CNTNAP2: variants seen among roughly 807,000 people sequenced by gnomAD.
The protein encoded by CNTNAP2 is contactin-associated protein-like 2.
Under a neutral mutation model 155.2 loss-of-function variants are expected in CNTNAP2, and 98 were observed. That is an observed-to-expected ratio of 0.63 (90% CI 0.54 to 0.75). CNTNAP2 has a LOEUF of 0.75. Ranked by LOEUF, CNTNAP2 falls within the 30% of genes least tolerant of loss-of-function variation. The pLI, the probability that CNTNAP2 is intolerant of heterozygous loss-of-function variation, is 0.00. For missense variants in CNTNAP2, 1,727 were observed against 1,688.1 expected (o/e 1.02, Z -0.40); for synonymous variants, 651 against 631.2 (o/e 1.03, Z -0.47).
chr7:146,799,214 G>T (rs1299486357), intron 2 of CNTNAP2, among the ~76,000 whole-genome samples: 1 of 152,118 alleles, frequency 6.6e-6, no homozygotes, highest in Non-Finnish European at 1.5e-5. Context: ...AATAGAAAAT[G>T]AAGTCTGTAG....
At chr7:146,220,387 T>G (rs1028027077) in intron 1 of CNTNAP2, among the ~76,000 whole-genome samples, 1 of 152,172 alleles carries the variant, frequency 6.6e-6, no homozygotes, top group Non-Finnish European at 1.5e-5. Context: ...GCCACCTATA[T>G]CATCATTTAC....
intron 1 of CNTNAP2, among the ~76,000 whole-genome samples, chr7:146,390,822 A>G (rs1795530706): frequency 7.2e-6 from 1 of 139,460 alleles, no homozygotes; most frequent in Non-Finnish European, 1.5e-5. Flanking sequence ...TAATCCCAGC[A>G]CTTTGGGAGG....
intron 8 of CNTNAP2, among the ~76,000 whole-genome samples, chr7:147,268,259 C>T (rs1804661159): frequency 6.6e-6 from 1 of 152,076 alleles, no homozygotes; most frequent in Admixed American, 6.5e-5. Flanking sequence ...CACTCATTCA[C>T]TTCAATGTTT....
chr7:146,661,712 TTTTCTTTC>T (rs1021323859), intron 1 of CNTNAP2, among the ~76,000 whole-genome samples: 21 of 128,648 alleles, frequency 1.6e-4, no homozygotes, highest in African/African-American at 6.4e-4. Context: ...GAGTTTTTCT[TTTTCTTTC>T]TTTCTTTCTT....
intron 1 of CNTNAP2, among the ~76,000 whole-genome samples, chr7:146,764,912 A>G (rs76184692): frequency 0.024 from 3,653 of 152,260 alleles, 85 homozygotes; most frequent in Non-Finnish European, 0.032. Context: ...TGTGTTCAAT[A>G]TTTTTCAAAA....
At chr7:148,043,954 A>G (rs552012151) in intron 15 of CNTNAP2, among the ~76,000 whole-genome samples, 16 of 152,318 alleles carry the variant, frequency 1.1e-4, no homozygotes, top group African/African-American at 3.9e-4. Flanking sequence ...TGACTATTCC[A>G]TGGCATATTT....
intron 14 of CNTNAP2, among the ~76,000 whole-genome samples, chr7:147,961,772 C>G (rs1035642499): frequency 6.6e-6 from 1 of 152,078 alleles, no homozygotes; most frequent in African/African-American, 2.4e-5. Context: ...GAATCTTGGT[C>G]ATCGAATATT....
intron 1 of CNTNAP2, among the ~76,000 whole-genome samples, chr7:146,231,042 A>ATAAATAAATAAAT (rs76111973): frequency 3.3e-5 from 5 of 150,484 alleles, no homozygotes; most frequent in African/African-American, 1.2e-4. Flanking sequence ...AAATAAATAA[A>ATAAATAAATAAAT]AAGTTAATAT....
At chr7:146,405,672 AAATC>A (rs1795780994) in intron 1 of CNTNAP2, among the ~76,000 whole-genome samples, 2 of 152,226 alleles carry the variant, frequency 1.3e-5, no homozygotes, top group Non-Finnish European at 2.9e-5. Flanking sequence ...ATACTCGGAA[AAATC>A]AGATTTTTAG....
At chr7:146,157,259 T>C (rs1042296068) in intron 1 of CNTNAP2, among the ~76,000 whole-genome samples, 33 of 152,082 alleles carry the variant, frequency 2.2e-4, no homozygotes, top group African/African-American at 7.5e-4. Context: ...TCTTCTTCAA[T>C]AATAACATTA....
At chr7:147,516,617 AATGT>A (rs779673473) in intron 11 of CNTNAP2, among the ~76,000 whole-genome samples, 1 of 86,238 alleles carries the variant, frequency 1.2e-5, no homozygotes, top group East Asian at 3.0e-4. Context: ...AGAGAGAGAG[AATGT>A]GTGTGTGTGT....
chr7:146,128,539 T>G (rs528000352), intron 1 of CNTNAP2, among the ~76,000 whole-genome samples: 24 of 152,278 alleles, frequency 1.6e-4, no homozygotes, highest in African/African-American at 5.3e-4. Context: ...TAAATATAAT[T>G]TAAGACTTAG....
In CNTNAP2 at chr7:146,603,273, G is replaced by A. The variant is rs535016327; in HGVS notation, c.98-170998G>A. On this transcript the variant is annotated intron_variant, in intron 1 of 23. Coordinates refer to ENST00000361727, the MANE Select transcript of CNTNAP2 (RefSeq NM_014141.6). ...TAAAAATACAAAACATTAGCCGGGC[G>A]TGGTGGCGGGCGCCTGTAGTCCCAG... is the stretch of plus-strand genomic sequence containing the variant. Among the ~76,000 whole-genome samples, 31 of 150,854 alleles carry A rather than the reference G, an allele frequency of 2.1e-4. 1 individual carries two copies. Among genetic ancestry groups the A allele is most frequent in the Non-Finnish European group, 4.1e-4 (28 of 67,740 alleles).
rs545175315 is a variant in CNTNAP2, at chr7:148,217,383, G to C, written c.3106G>C (p.Ala1036Pro). The C allele has an allele frequency of 6.8e-6, 11 of 1,613,996 alleles. No homozygotes were observed. The South Asian group carries it at 9.9e-5, about 15-fold the overall frequency. The change falls in exon 19 of 24, where the codon GCT (alanine) becomes CCT (proline). Residue 1036 changes from alanine (A) to proline (P), a missense_variant. Ala to Pro is a conservative substitution (Grantham distance 27). Coordinates refer to ENST00000361727, the MANE Select transcript of CNTNAP2 (RefSeq NM_014141.6). ...AGACTCCAGCAGCAGAGTAGACAAC[G>C]CTCCCGACCAGCAGAACTCCCACCC... ...ARDSSSRVDN[A>P]PDQQNSHPDL...
chr7:146,665,660 AGTCC>A (rs1482851176), intron 1 of CNTNAP2, among the ~76,000 whole-genome samples: 1 of 151,576 alleles, frequency 6.6e-6, no homozygotes, highest in Non-Finnish European at 1.5e-5. Context: ...GCATGCCTGT[AGTCC>A]CAGCTACTCG....
At chr7:147,524,026 C>T (rs1405422581) in intron 11 of CNTNAP2, among the ~76,000 whole-genome samples, 2 of 152,162 alleles carry the variant, frequency 1.3e-5, no homozygotes, top group Non-Finnish European at 1.5e-5. Flanking sequence ...TGCAGTTCCA[C>T]AGATGACTTC....
chr7:148,316,273 G>A (rs955034409), intron 21 of CNTNAP2, among the ~76,000 whole-genome samples: 7 of 151,930 alleles, frequency 4.6e-5, no homozygotes, highest in Non-Finnish European at 7.4e-5. Context: ...CACCAACATA[G>A]CACATGTATA....
intron 1 of CNTNAP2, among the ~76,000 whole-genome samples, chr7:146,334,148 C>A (rs1056668110): frequency 6.6e-6 from 1 of 152,012 alleles, no homozygotes; most frequent in Non-Finnish European, 1.5e-5. Context: ...TTAAAGCGCC[C>A]TGGCCGGGCG....
chr7:147,481,521 A>G lies in CNTNAP2; in HGVS notation c.1671-4414A>G, dbSNP rs539591994. On this transcript the variant is annotated intron_variant, in intron 10 of 23. Transcript: ENST00000361727. ...CCAGCCACTCTGTCCATGTTGATTTATTTTGCTTTAAGTAATTGCAGCCCA... is the reference window on the plus strand; with the variant it reads ...CCAGCCACTCTGTCCATGTTGATTTGTTTTGCTTTAAGTAATTGCAGCCCA... 2.4e-3 allele frequency among the ~76,000 whole-genome samples: 370 copies of G among 152,320 alleles called. 1 individual carries two copies. Among genetic ancestry groups the G allele is most frequent in the Non-Finnish European group, 3.9e-3 (268 of 68,018 alleles).
Sources: allele counts gnomAD v4.1 joint callset (sites outside exome capture counted in the v4.1 genomes callset), GRCh38; gene constraint gnomAD v4.1.1; transcripts MANE v1.5; gene names NCBI Gene and HGNC (gene_info 2026-07-23, HGNC 2026-07-21).